Variants in SMG6 observed in about 807,000 individuals in gnomAD.
The protein encoded by SMG6 is telomerase-binding protein EST1A.
Under a neutral mutation model 142.2 loss-of-function variants are expected in SMG6, and 66 were observed. The ratio of observed to expected loss-of-function variants is 0.46; its 90% CI spans 0.38 to 0.57. The LOEUF (loss-of-function observed/expected upper bound fraction) is 0.57. Ranked by LOEUF, SMG6 falls within the 20% of genes least tolerant of loss-of-function variation. SMG6 has a pLI of 0.00. For synonymous variants in SMG6, 779 were observed against 702.4 expected, an observed-to-expected ratio of 1.11 and a Z score of -1.72; for missense variants, 1,793 against 1,832.0, an observed-to-expected ratio of 0.98 and a Z score of 0.39.
chr17:2,148,287 T>C lies in SMG6; in HGVS notation c.3357+24371A>G, dbSNP rs533747151. Among the ~76,000 whole-genome samples the C allele has an allele frequency of 4.6e-5, 7 of 152,328 alleles. No homozygotes were observed. In the East Asian group the frequency reaches 5.8e-4, roughly 13 times the overall value. ...ACTTCTGGGTATACACCCAAAAGAA[T>C]TGAAAGCAGGATCTCAAAGAGATAT... On this transcript the variant is annotated intron_variant, in intron 13 of 18. Transcript: ENST00000263073.
At chr17:2,061,837 C>T (rs1030977960) in intron 18 of SMG6, 13 of 545,918 alleles carry the variant, frequency 2.4e-5, no homozygotes, top group South Asian at 8.1e-5. Flanking sequence ...GCCTTGACTC[C>T]GGCCTCCCAT....
At chr17:2,232,819 G>T (rs998225726) in intron 10 of SMG6, 3 of 152,162 alleles carry the variant, frequency 2.0e-5, no homozygotes, top group African/African-American at 7.2e-5. Flanking sequence ...AGGAAGGGGG[G>T]CAAATCTGGC....
At chr17:2,236,682 GTC>G (rs754647047) in intron 9 of SMG6, 45 bp from the exon 10 acceptor site, 1 of 1,497,852 alleles carries the variant, frequency 6.7e-7, no homozygotes, top group African/African-American at 1.6e-5. Context: ...CTCTCTTTCA[GTC>G]TCTCTCTCAC....
intron 14 of SMG6, among the ~76,000 whole-genome samples, chr17:2,084,092 T>C (rs565832690): frequency 6.6e-5 from 10 of 152,366 alleles, no homozygotes; most frequent in African/African-American, 2.2e-4. Context: ...TTTGGTGCTG[T>C]GGCCCTCTCT....
At chr17:2,236,961 T>G (rs2073678326) in intron 9 of SMG6, 1 of 524,028 alleles carries the variant, frequency 1.9e-6, no homozygotes, top group South Asian at 8.7e-5. Context: ...TATCAAAGTT[T>G]CTCTCTGAAA....
intron 8 of SMG6, among the ~76,000 whole-genome samples, chr17:2,248,318 G>A (rs913992137): frequency 1.3e-5 from 2 of 151,882 alleles, no homozygotes; most frequent in African/African-American, 4.8e-5. Flanking sequence ...TTCAACCAAG[G>A]GCTAACGAGG....
chr17:2,141,466 C>CGG (rs2070477684), intron 13 of SMG6, among the ~76,000 whole-genome samples: 1 of 152,128 alleles, frequency 6.6e-6, no homozygotes, highest in Non-Finnish European at 1.5e-5. Flanking sequence ...CTTAGAGATG[C>CGG]GGTCTTGCTC....
rs577733181 is a variant in SMG6 at position 2,196,483 on chromosome 17, T to C, written c.2870-7968A>G. 2.0e-5 allele frequency among the ~76,000 whole-genome samples: 3 copies of C among 152,308 alleles called. No homozygotes were observed. The East Asian group carries it at 5.8e-4, about 29-fold the overall frequency. Reference sequence around the variant, plus strand: ...AAACTGGGGAGAGTTACCATGTTCATGAACTGAGCAACTCAGCATTGTAGA... The same window carrying C: ...AAACTGGGGAGAGTTACCATGTTCACGAACTGAGCAACTCAGCATTGTAGA... On this transcript the variant is annotated intron_variant, in intron 10 of 18. Coordinates refer to ENST00000263073, the MANE Select transcript of SMG6 (RefSeq NM_017575.5).
chr17:2,202,693 C>T (rs1211343303), intron 10 of SMG6, among the ~76,000 whole-genome samples: 1 of 152,122 alleles, frequency 6.6e-6, no homozygotes, highest in Non-Finnish European at 1.5e-5. Context: ...GGTAACAAAG[C>T]CTTGGACAAG....
intron 15 of SMG6, among the ~76,000 whole-genome samples, chr17:2,069,430 A>AC (rs1399587421): frequency 6.7e-6 from 1 of 149,346 alleles, no homozygotes; most frequent in Non-Finnish European, 1.5e-5. Context: ...CCCCGTCTCT[A>AC]CAAAAAAAAA....
intron 13 of SMG6, among the ~76,000 whole-genome samples, chr17:2,118,792 T>C (rs1418309563): frequency 1.3e-5 from 2 of 152,122 alleles, no homozygotes; most frequent in Non-Finnish European, 2.9e-5. Flanking sequence ...TCTCACTATG[T>C]TGTCCAAGCT....
intron 13 of SMG6, among the ~76,000 whole-genome samples, chr17:2,164,292 A>T (rs1259601310): frequency 6.6e-6 from 1 of 151,474 alleles, no homozygotes; most frequent in African/African-American, 2.4e-5. Context: ...GCATGGTGGC[A>T]GGTGCTTGTA....
chr17:2,275,712 G>T (rs537729022), intron 8 of SMG6, among the ~76,000 whole-genome samples: 3 of 152,210 alleles, frequency 2.0e-5, no homozygotes, highest in Non-Finnish European at 2.9e-5. Flanking sequence ...AACAGCAGAA[G>T]ATATAGCCAC....
intron 10 of SMG6, chr17:2,233,217 G>C (rs561204284): frequency 7.2e-5 from 11 of 152,370 alleles, no homozygotes; most frequent in African/African-American, 2.2e-4. Context: ...GAGACTGTGA[G>C]GATCTCAATG....
chr17:2,074,600 T>C (rs911793906), intron 15 of SMG6, among the ~76,000 whole-genome samples: 6 of 152,324 alleles, frequency 3.9e-5, no homozygotes, highest in East Asian at 3.9e-4. Flanking sequence ...TGCTATTTCT[T>C]ACTGTTTTAG....
chr17:2,118,107 G>A (rs1306264007), intron 13 of SMG6, among the ~76,000 whole-genome samples: 1 of 152,082 alleles, frequency 6.6e-6, no homozygotes, highest in African/African-American at 2.4e-5. Context: ...GCCAGGTGTG[G>A]TGGTGCTTGC....
intron 8 of SMG6, chr17:2,280,573 G>T (rs922584390): frequency 5.1e-6 from 5 of 984,840 alleles, no homozygotes; most frequent in East Asian, 1.1e-4. Context: ...AGAAACTGCA[G>T]ATTTCTTCGA....
In SMG6 at chr17:2,297,243, T is replaced by A. The variant is rs751491364; in HGVS notation, c.2151A>T (p.Thr717=). ...LAIRSKPLRK[T]VKYALISAQR... The stretch of plus-strand genomic sequence containing the variant: ...AAGATACATAAAGAAGGTAGCTTAC[T>A]GTCTTGCGTAATGGCTTGCTGCGAA... Residue 717 remains threonine (T), a splice_region_variant and synonymous_variant, in exon 4 of 19, where the codon ACA becomes ACT. Transcript: ENST00000263073. 5.7e-6 allele frequency: 9 copies of A among 1,589,400 alleles called. No individual in the cohort carries two copies. In the South Asian group the frequency reaches 9.2e-5, roughly 16 times the overall value.
chr17:2,205,056 C>T (rs11657720), intron 10 of SMG6, among the ~76,000 whole-genome samples: 15,620 of 151,964 alleles, frequency 0.1, 882 homozygotes, highest in African/African-American at 0.12. Flanking sequence ...TGTTTGAAAC[C>T]TGTATGTATC....
Sources: gnomAD v4.1 joint callset for allele counts (sites outside exome capture counted in the v4.1 genomes callset) on GRCh38, gnomAD v4.1.1 for gene constraint, MANE v1.5 for transcripts, NCBI Gene and HGNC (gene_info 2026-07-23, HGNC 2026-07-21) for gene names.